The following AHNAK variants were observed in gnomAD, a reference collection of about 807,000 sequenced individuals.
AHNAK encodes the protein neuroblast differentiation-associated protein AHNAK.
A neutral mutation model predicts 37.8 loss-of-function variants in AHNAK; 23 were observed. The ratio of observed to expected loss-of-function variants is 0.61; its 90% confidence interval spans 0.44 to 0.86. The LOEUF is 0.86. Among genes scored for constraint, AHNAK ranks in the 40% least tolerant of loss-of-function variants. The pLI is 0.00. For synonymous variants in AHNAK, 2,481 were observed against 2,636.3 expected (o/e 0.94, Z 1.80); for missense variants, 7,411 against 7,319.4 (o/e 1.01, Z -0.46).
At chr11:62,483,261 T>G (rs1939312860) in intron 5 of AHNAK, among the ~76,000 whole-genome samples, 1 of 152,168 alleles carries the variant, frequency 6.6e-6, no homozygotes, top group South Asian at 2.1e-4. Flanking sequence ...AATCAATCAG[T>G]TCAGAGCTCA....
Position 62,494,374 on chromosome 11 carries a change from A to AT in AHNAK, c.343-2544dup, listed in dbSNP as rs140816090. Reference sequence around the variant, plus strand: ...GTCCAAATAACCACAGAAGGAAGGAATTTTTTTTTAATTTAGAAACAAAGA... The same window carrying AT: ...GTCCAAATAACCACAGAAGGAAGGAATTTTTTTTTTAATTTAGAAACAAAGA... On this transcript the variant is annotated intron_variant, in intron 4 of 5. Transcript: ENST00000257247. Among the ~76,000 whole-genome samples the AT allele has an allele frequency of 7.3e-3, 1,110 of 151,870 alleles. 6 individuals are homozygous for AT. The highest frequency in any genetic ancestry group is 0.012 in the Non-Finnish European group (804 of 67,926).
intron 5 of AHNAK, among the ~76,000 whole-genome samples, chr11:62,458,701 C>G (rs1177620362): frequency 1.3e-5 from 2 of 152,118 alleles, no homozygotes; most frequent in Admixed American, 6.5e-5. Context: ...CAGGAGCTAG[C>G]TCTGTTTCCT....
chr11:62,517,153 C>A lies in AHNAK; in HGVS notation c.17264G>T (p.Gly5755Val). 1.2e-6 allele frequency: 2 copies of A among 1,613,160 alleles called. No homozygotes were observed. Among genetic ancestry groups the A allele is most frequent in the Non-Finnish European group, 1.7e-6 (2 of 1,179,940 alleles). Reference protein sequence around the residue: ...SSKASLGSLEGEAEAEASSPK... With the variant: ...SSKASLGSLEVEAEAEASSPK... ...TGAAGAGGCTTCGGCCTCTGCCTCT[C>A]CTTCCAGAGAGCCCAGGCTGGCCTT... is the stretch of plus-strand genomic sequence containing the variant. Residue 5755 changes from glycine to valine, a missense_variant, in exon 5 of 5, where the codon GGA (glycine) becomes GTA (valine). By Grantham distance (109) the Gly-to-Val change is moderately radical (BLOSUM62 -3). Coordinates refer to ENST00000378024, the MANE Select transcript of AHNAK (RefSeq NM_001620.3).
chr11:62,474,467 C>T (rs1330936067), intron 5 of AHNAK, among the ~76,000 whole-genome samples: 1 of 152,154 alleles, frequency 6.6e-6, no homozygotes, highest in African/African-American at 2.4e-5. Context: ...AGGCATCAGC[C>T]ACCACACCCG....
intron 5 of AHNAK, among the ~76,000 whole-genome samples, chr11:62,435,396 C>T (rs765261783): frequency 1.3e-5 from 2 of 150,462 alleles, no homozygotes; most frequent in African/African-American, 4.8e-5. Context: ...AAAGTGAAAG[C>T]TTTATTTATT....
intron 5 of AHNAK, among the ~76,000 whole-genome samples, chr11:62,437,335 T>A (rs976433003): frequency 6.6e-6 from 1 of 152,180 alleles, no homozygotes; most frequent in Non-Finnish European, 1.5e-5. Flanking sequence ...ATTGTCAGCA[T>A]AGGCACTCAA....
intron 5 of AHNAK, among the ~76,000 whole-genome samples, chr11:62,475,602 CT>C (rs55773953): frequency 1.1e-4 from 13 of 118,038 alleles, no homozygotes; most frequent in East Asian, 6.1e-4. Flanking sequence ...TTATGTTATA[CT>C]TTTTTTTTTT....
downstream of AHNAK, among the ~76,000 whole-genome samples, chr11:62,514,605 C>T (rs1298501583): frequency 6.6e-6 from 1 of 152,190 alleles, no homozygotes; most frequent in Non-Finnish European, 1.5e-5. Context: ...GTGGTGCCAT[C>T]ATGCAATGCA....
At position 62,529,131 on chromosome 11, in the gene AHNAK, T is replaced by C; in HGVS notation, c.5286A>G (p.Gly1762=). ...TCTTAAATTTGGAGCCTTTCAACTTTCCTTCTGGTCCCTCAATATCCAAAT... is the reference window on the plus strand; with the variant it reads ...TCTTAAATTTGGAGCCTTTCAACTTCCCTTCTGGTCCCTCAATATCCAAAT... ...APDLDIEGPE[G]KLKGSKFKMP... Residue 1762 remains glycine, a synonymous_variant, in exon 5 of 5, where the codon GGA becomes GGG. Coordinates refer to ENST00000378024, the MANE Select transcript of AHNAK (RefSeq NM_001620.3). 1.2e-6 allele frequency: 2 copies of C among 1,614,060 alleles called. No individual in the cohort carries two copies. Among genetic ancestry groups the C allele is most frequent in the Non-Finnish European group, 1.7e-6 (2 of 1,179,998 alleles).
At chr11:62,474,971 G>A (rs1340861306) in intron 5 of AHNAK, among the ~76,000 whole-genome samples, 1 of 152,166 alleles carries the variant, frequency 6.6e-6, no homozygotes, top group Non-Finnish European at 1.5e-5. Flanking sequence ...CAGGGACAGT[G>A]ACAGAGGCGA....
At chr11:62,513,541 TAA>T (rs113879195), downstream of AHNAK, among the ~76,000 whole-genome samples, 5 of 127,358 alleles carry the variant, frequency 3.9e-5, no homozygotes, top group African/African-American at 8.3e-5. Context: ...GTCTCAAAAA[TAA>T]AAAAAAAAAA....
chr11:62,482,205 C>T (rs987067908), intron 5 of AHNAK, among the ~76,000 whole-genome samples: 6 of 152,074 alleles, frequency 3.9e-5, no homozygotes, highest in Non-Finnish European at 4.4e-5. Flanking sequence ...ACTTGAGGCC[C>T]GGAGTTCGAG....
intron 5 of AHNAK, among the ~76,000 whole-genome samples, chr11:62,476,895 T>C (rs1009193267): frequency 1.3e-5 from 2 of 152,176 alleles, no homozygotes; most frequent in Non-Finnish European, 2.9e-5. Flanking sequence ...AACCATTACA[T>C]TTAAGATATA....
At chr11:62,448,133 G>T (rs898342312) in intron 5 of AHNAK, among the ~76,000 whole-genome samples, 10 of 152,138 alleles carry the variant, frequency 6.6e-5, no homozygotes, top group Non-Finnish European at 1.5e-4. Context: ...AAGACATGGC[G>T]TGTGGGGACC....
At position 62,527,143 on chromosome 11, in the gene AHNAK, G is replaced by A; in HGVS notation, c.7274C>T (p.Pro2425Leu). Reference sequence around the variant, plus strand: ...CTCTGGTCCCTCAATGTCAATGTCTGGCCCACTGACATCCACATGTGGCCC... The same window carrying A: ...CTCTGGTCCCTCAATGTCAATGTCTAGCCCACTGACATCCACATGTGGCCC... ...LKGPHVDVSG[P>L]DIDIEGPEGK... The change falls in exon 5 of 5, where the codon CCA becomes CTA. Residue 2425 changes from proline to leucine, a missense_variant. Physicochemically the swap from Pro to Leu is moderately conservative, Grantham distance 98. Transcript: ENST00000378024. The A allele has an allele frequency of 6.2e-7, 1 of 1,613,488 alleles. No individual in the cohort carries two copies. The highest frequency in any genetic ancestry group is 8.5e-7 in the Non-Finnish European group (1 of 1,179,782).
intron 1 of AHNAK, among the ~76,000 whole-genome samples, chr11:62,541,478 G>A (rs548589013): frequency 1.3e-5 from 2 of 152,286 alleles, no homozygotes; most frequent in African/African-American, 2.4e-5. Context: ...CCCAACATTC[G>A]GAACCAGGAG....
chr11:62,446,889 A>G (rs879654266), intron 5 of AHNAK, among the ~76,000 whole-genome samples: 9 of 151,926 alleles, frequency 5.9e-5, no homozygotes, highest in Non-Finnish European at 1.0e-4. Context: ...CCAAACTGAA[A>G]AGATCTCCCT....
At chr11:62,502,302 G>A (rs11231121) in intron 4 of AHNAK, among the ~76,000 whole-genome samples, 18,274 of 152,206 alleles carry the variant, frequency 0.12, 2,735 homozygotes, top group African/African-American at 0.35. Context: ...AGCAGCTCAA[G>A]GAAAGCAGCC....
intron 5 of AHNAK, among the ~76,000 whole-genome samples, chr11:62,481,330 C>T (rs997709751): frequency 6.6e-6 from 1 of 152,024 alleles, no homozygotes; most frequent in African/African-American, 2.4e-5. Context: ...TGGTCCTGAA[C>T]TCCTGATCTC....
Sources: gnomAD v4.1 joint callset for allele counts (sites outside exome capture counted in the v4.1 genomes callset) on GRCh38, gnomAD v4.1.1 for gene constraint, MANE v1.5 for transcripts, NCBI Gene and HGNC (gene_info 2026-07-23, HGNC 2026-07-21) for gene names.